PDE1C: variants seen among roughly 807,000 people sequenced by gnomAD.
PDE1C encodes the protein phosphodiesterase 1C.
In PDE1C, 62 loss-of-function variants were observed where a neutral mutation model predicts 93.1. The observed-to-expected ratio is 0.67, with a 90% CI of 0.54 to 0.82. The LOEUF is 0.82. PDE1C is among the 40% of genes least tolerant of loss of function. The pLI is 0.00. For missense variants in PDE1C, 742 were observed against 884.6 expected, an observed-to-expected ratio of 0.84 and a Z score of 2.04; for synonymous variants, 325 against 310.1, an observed-to-expected ratio of 1.05 and a Z score of -0.50.
chr7:31,978,846 G>A (rs983146214), intron 2 of PDE1C, among the ~76,000 whole-genome samples: 2 of 152,112 alleles, frequency 1.3e-5, no homozygotes, highest in African/African-American at 2.4e-5. Context: ...GGAGCCAATG[G>A]TCTCAGACTT....
intron 2 of PDE1C, among the ~76,000 whole-genome samples, chr7:31,919,309 C>T (rs926492723): frequency 3.9e-5 from 6 of 152,062 alleles, no homozygotes; most frequent in African/African-American, 1.2e-4. Flanking sequence ...CTGCCACTGA[C>T]GAGATGCATA....
intron 17 of PDE1C, among the ~76,000 whole-genome samples, chr7:31,766,424 C>T (rs1252689732): frequency 6.6e-6 from 1 of 151,674 alleles, no homozygotes; most frequent in Non-Finnish European, 1.5e-5. Context: ...TTTAAGCATA[C>T]AGAAATGTAT....
chr7:32,142,559 A>T (rs1001530352), intron 3 of PDE1C, among the ~76,000 whole-genome samples: 9 of 152,336 alleles, frequency 5.9e-5, no homozygotes, highest in Middle Eastern at 3.4e-3. Flanking sequence ...AGACAGGGAC[A>T]CTATCACTCA....
At chr7:32,118,485 T>G (rs1369103475) in intron 3 of PDE1C, among the ~76,000 whole-genome samples, 1 of 152,194 alleles carries the variant, frequency 6.6e-6, no homozygotes, top group Non-Finnish European at 1.5e-5. Context: ...AACGTGACCT[T>G]CCTTTACCTT....
At position 32,081,909 on chromosome 7, in the gene PDE1C, G is replaced by A. The variant is rs182148604; in HGVS notation, c.308+87876C>T. Among the ~76,000 whole-genome samples the A allele has an allele frequency of 2.4e-3, 363 of 152,294 alleles. 1 individual carries two copies. The highest frequency in any genetic ancestry group is 7.5e-3 in the African/African-American group (310 of 41,564). ...AAGACAGCCAAATAGGAACAGCTCCGGTCTACAGCTCCCAGAGTGAGCGAC... is the reference window on the plus strand; with the variant it reads ...AAGACAGCCAAATAGGAACAGCTCCAGTCTACAGCTCCCAGAGTGAGCGAC... On this transcript the variant is annotated intron_variant, in intron 3 of 18. Transcript: ENST00000396193.
intron 1 of PDE1C, among the ~76,000 whole-genome samples, chr7:32,419,400 C>T (rs909291132): frequency 6.6e-6 from 1 of 152,184 alleles, no homozygotes; most frequent in African/African-American, 2.4e-5. Flanking sequence ...AGCAGCCCCT[C>T]TAACTACTCC....
chr7:32,194,040 G>A (rs1170058699), intron 2 of PDE1C, among the ~76,000 whole-genome samples: 1 of 150,950 alleles, frequency 6.6e-6, no homozygotes, highest in Non-Finnish European at 1.5e-5. Context: ...TCAGCCTCCT[G>A]AGTAGCTGGG....
At chr7:31,645,325 A>C in the PDE1C span, among the ~76,000 whole-genome samples, 1 of 152,194 alleles carries the variant, frequency 6.6e-6, no homozygotes, top group African/African-American at 2.4e-5. Flanking sequence ...AAAGAGAGTG[A>C]TTACAGGAAA....
chr7:32,210,315 A>T (rs1266097660), intron 1 of PDE1C, among the ~76,000 whole-genome samples: 2 of 152,238 alleles, frequency 1.3e-5, no homozygotes, highest in African/African-American at 4.8e-5. Context: ...TTGTATGTAT[A>T]CATAGCAGAC....
At chr7:32,180,376 T>C (rs906074234) in intron 2 of PDE1C, among the ~76,000 whole-genome samples, 2 of 152,234 alleles carry the variant, frequency 1.3e-5, no homozygotes, top group Non-Finnish European at 2.9e-5. Flanking sequence ...TAGGATTTAT[T>C]TCTAAGTTAT....
intron 6 of PDE1C, among the ~76,000 whole-genome samples, chr7:31,871,478 A>G (rs908317210): frequency 1.3e-5 from 2 of 152,150 alleles, no homozygotes; most frequent in Non-Finnish European, 2.9e-5. Flanking sequence ...CAAGGGACTA[A>G]TACCCAAAAT....
At chr7:31,807,077 G>C (rs949344697) in intron 16 of PDE1C, among the ~76,000 whole-genome samples, 2 of 151,774 alleles carry the variant, frequency 1.3e-5, no homozygotes, top group African/African-American at 4.8e-5. Flanking sequence ...GACTAAAATA[G>C]TGCAAGTCAC....
intron 1 of PDE1C, among the ~76,000 whole-genome samples, chr7:32,056,320 T>TTCTCTCTCTCTCTCTCTCTCTC (rs10648394): frequency 9.0e-6 from 1 of 111,030 alleles, no homozygotes; most frequent in African/African-American, 3.7e-5. Flanking sequence ...GGGTCCACCG[T>TTCTCTCTCTCTCTCTCTCTCTC]TCTCTCTCTC....
intron 1 of PDE1C, among the ~76,000 whole-genome samples, chr7:32,387,048 G>A (rs946749496): frequency 3.3e-5 from 5 of 151,172 alleles, no homozygotes; most frequent in African/African-American, 4.9e-5. Context: ...GTGTCCCTGG[G>A]TACTTAAGAT....
intron 3 of PDE1C, among the ~76,000 whole-genome samples, chr7:32,082,618 GAC>G (rs1414838956): frequency 6.6e-6 from 1 of 152,318 alleles, no homozygotes; most frequent in Admixed American, 6.5e-5. Flanking sequence ...GGGGCAGACT[GAC>G]ACCTCACACG....
chr7:31,659,299 C>T, the PDE1C span, among the ~76,000 whole-genome samples: 1 of 152,194 alleles, frequency 6.6e-6, no homozygotes, highest in Non-Finnish European at 1.5e-5. Context: ...GTGTTACATG[C>T]TGTGCTGAAA....
chr7:31,737,144 A>G, the PDE1C span, among the ~76,000 whole-genome samples: 1 of 151,606 alleles, frequency 6.6e-6, no homozygotes, highest in Non-Finnish European at 1.5e-5. Context: ...TTTTATTTTT[A>G]TTTTTATTTT....
chr7:31,962,133 AC>A (rs1165335762), intron 2 of PDE1C, among the ~76,000 whole-genome samples: 1 of 152,232 alleles, frequency 6.6e-6, no homozygotes, highest in Admixed American at 6.5e-5. Flanking sequence ...CTCCAATAGT[AC>A]AAAAATGAAG....
At chr7:32,190,344 C>T (rs937920872) in intron 2 of PDE1C, among the ~76,000 whole-genome samples, 10 of 152,306 alleles carry the variant, frequency 6.6e-5, no homozygotes, top group Middle Eastern at 3.4e-3. Flanking sequence ...GGCTTAGCCA[C>T]GGCCTAATGC....
Sources: gnomAD v4.1 joint callset for allele counts (sites outside exome capture counted in the v4.1 genomes callset) on GRCh38, gnomAD v4.1.1 for gene constraint, MANE v1.5 for transcripts, NCBI Gene and HGNC (gene_info 2026-07-23, HGNC 2026-07-21) for gene names.